The following RELN variants were observed in gnomAD, a reference collection of about 807,000 sequenced individuals.
RELN encodes the protein reelin.
RELN carries 108 observed loss-of-function variants against 427.6 expected under a neutral mutation model. The ratio of observed to expected loss-of-function variants is 0.25; its 90% CI spans 0.22 to 0.30. RELN has a LOEUF of 0.30. Among genes scored for constraint, RELN ranks in the 10% least tolerant of loss-of-function variants. The pLI, the probability that RELN is intolerant of heterozygous loss-of-function variation, is 1.00. For missense variants in RELN, 3,715 were observed against 4,302.8 expected (o/e 0.86, Z 3.82); for synonymous variants, 1,524 against 1,513.4 (o/e 1.01, Z -0.16).
At chr7:103,483,012 A>G (rs369031847) in intron 62 of RELN, 41 bp from the exon 63 acceptor site, 1 of 1,548,504 alleles carries the variant, frequency 6.5e-7, no homozygotes, top group African/African-American at 1.4e-5. Flanking sequence ...ATACATTAGG[A>G]AACAGAACTT....
intron 1 of RELN, among the ~76,000 whole-genome samples, chr7:103,965,242 T>A (rs936906978): frequency 6.6e-6 from 1 of 152,234 alleles, no homozygotes; most frequent in South Asian, 2.1e-4. Flanking sequence ...AAAACAGCTC[T>A]TGTAAATATA....
rs1396522207 is a variant in RELN, at chr7:103,988,930, T to C, written c.226+201A>G. Among the ~76,000 whole-genome samples the C allele has an allele frequency of 2.0e-5, 3 of 151,420 alleles. No individual in the cohort carries two copies. The highest frequency in any genetic ancestry group is 2.9e-5 in the Non-Finnish European group (2 of 67,870). On this transcript the variant is annotated intron_variant, in intron 1 of 64. Coordinates refer to ENST00000428762, the MANE Select transcript of RELN (RefSeq NM_005045.4). The surrounding 1 kb of genome is among the most constrained non-coding windows in gnomAD (Gnocchi z 4.9). Reference sequence around the variant, plus strand: ...ATTACCAGGAGATGCGTTCGGGGAGTGGGGACATGGAGAATGAATCCCAAC... The same window carrying C: ...ATTACCAGGAGATGCGTTCGGGGAGCGGGGACATGGAGAATGAATCCCAAC...
chr7:103,883,838 G>A (rs1584330316), intron 2 of RELN, among the ~76,000 whole-genome samples: 1 of 152,274 alleles, frequency 6.6e-6, no homozygotes, highest in East Asian at 1.9e-4. Flanking sequence ...AATCAATATC[G>A]TGAAAATGGC....
At chr7:103,604,934 A>T (rs1831781254) in intron 22 of RELN, among the ~76,000 whole-genome samples, 1 of 149,938 alleles carries the variant, frequency 6.7e-6, no homozygotes, top group South Asian at 2.1e-4. Flanking sequence ...GGTTCAAGCC[A>T]TTATCTTGCC....
intron 8 of RELN, among the ~76,000 whole-genome samples, chr7:103,714,773 G>A (rs1266658704): frequency 6.6e-6 from 1 of 152,130 alleles, no homozygotes; most frequent in Non-Finnish European, 1.5e-5. Context: ...GTGTCCTGGG[G>A]CTTCTCAGTC....
At chr7:103,650,034 T>G (rs1157014610) in intron 16 of RELN, among the ~76,000 whole-genome samples, 2 of 152,062 alleles carry the variant, frequency 1.3e-5, no homozygotes, top group East Asian at 3.9e-4. Context: ...ATGCATTTTT[T>G]ATTTATGTAT....
At chr7:103,911,043 A>AACTACCAT (rs1477860802) in intron 2 of RELN, among the ~76,000 whole-genome samples, 1 of 142,460 alleles carries the variant, frequency 7.0e-6, no homozygotes, top group African/African-American at 2.8e-5. Context: ...CAGCAAAAGA[A>AACTACCAT]ACTACCATCA....
At chr7:103,691,913 C>T (rs944393999) in intron 10 of RELN, among the ~76,000 whole-genome samples, 4 of 152,152 alleles carry the variant, frequency 2.6e-5, no homozygotes, top group South Asian at 2.1e-4. Context: ...TTTCTTATTT[C>T]GTCATGACAA....
At chr7:103,773,238 C>CATGT (rs1791635877) in intron 4 of RELN, among the ~76,000 whole-genome samples, 1 of 56,824 alleles carries the variant, frequency 1.8e-5, no homozygotes, top group Non-Finnish European at 3.0e-5. Flanking sequence ...TCGCTCCCTC[C>CATGT]CTGTCTCTCT....
At chr7:103,971,243 C>T (rs955929128) in intron 1 of RELN, among the ~76,000 whole-genome samples, 1 of 150,824 alleles carries the variant, frequency 6.6e-6, no homozygotes, top group African/African-American at 2.4e-5. Context: ...CATACTATTA[C>T]ACACTGTCAT....
rs148726838 is a variant in RELN at position 103,562,037 on chromosome 7, T to G, written c.5211-84A>C. The G allele has an allele frequency of 5.5e-4, 832 of 1,512,864 alleles. 6 individuals are homozygous for G. In the East Asian group the frequency reaches 0.019, roughly 35 times the overall value. 93.7% of individuals were successfully genotyped at this position (1,512,864 alleles called of 1,614,324 possible). A position where few individuals can be genotyped will look rare whatever the true frequency, so the allele number is the denominator to read the frequency against. ...ACAAGGACATTTATTTTAATTCCCT[T>G]TTCTCTTTAAAGTGCCTTCCTCCAG... On this transcript the variant is annotated intron_variant, in intron 34 of 64. Coordinates refer to ENST00000428762, the MANE Select transcript of RELN (RefSeq NM_005045.4).
Position 103,522,838 on chromosome 7 carries a change from G to GACACACACACAGAC in RELN, c.7490+552_7490+553insGTCTGTGTGTGTGT, listed in dbSNP as rs1554369891. 4.0e-5 allele frequency among the ~76,000 whole-genome samples: 6 copies of GACACACACACAGAC among 149,606 alleles called. No individual in the cohort carries two copies. The South Asian group carries it at 8.5e-4, about 21-fold the overall frequency. ...CAGCATAATCTCACACAGACACACA[G>GACACACACACAGAC]ACACACACACACACCCCCACACCTT... On this transcript the variant is annotated intron_variant, in intron 47 of 64. Coordinates refer to ENST00000428762, the MANE Select transcript of RELN (RefSeq NM_005045.4).
chr7:103,587,425 C>A (rs1831302414), intron 28 of RELN, among the ~76,000 whole-genome samples: 1 of 152,030 alleles, frequency 6.6e-6, no homozygotes, highest in Admixed American at 6.6e-5. Context: ...TACAAAAATT[C>A]TAGAAGAAAA....
intron 29 of RELN, among the ~76,000 whole-genome samples, chr7:103,575,036 C>T (rs1397125559): frequency 2.0e-5 from 3 of 152,136 alleles, no homozygotes; most frequent in African/African-American, 4.8e-5. Flanking sequence ...AGAGGGCTCA[C>T]AGAGGCCATG....
chr7:103,560,098 C>CAATATAAAAAAA (rs1584295423), intron 36 of RELN, among the ~76,000 whole-genome samples: 1 of 152,276 alleles, frequency 6.6e-6, no homozygotes, highest in East Asian at 1.9e-4. Context: ...GATATTTATA[C>CAATATAAAAAAA]AGCAGAACTG....
At chr7:103,958,106 A>G (rs7794418) in intron 1 of RELN, among the ~76,000 whole-genome samples, 20,028 of 152,192 alleles carry the variant, frequency 0.13, 1,359 homozygotes, top group Middle Eastern at 0.23. Context: ...CTGTGTTCAT[A>G]CAAGGATTAA....
chr7:103,659,654 T>C (rs1397892907), intron 12 of RELN, among the ~76,000 whole-genome samples: 1 of 152,138 alleles, frequency 6.6e-6, no homozygotes, highest in Non-Finnish European at 1.5e-5. Flanking sequence ...CTCTATACTC[T>C]CATAGCATTT....
chr7:103,958,378 T>G (rs1012299474), intron 1 of RELN, among the ~76,000 whole-genome samples: 8 of 152,188 alleles, frequency 5.3e-5, no homozygotes, highest in African/African-American at 1.9e-4. Context: ...AAGGTCTGAT[T>G]TGTGACAGAT....
At chr7:103,743,942 C>A (rs1339389943) in intron 6 of RELN, among the ~76,000 whole-genome samples, 1 of 152,150 alleles carries the variant, frequency 6.6e-6, no homozygotes, top group Non-Finnish European at 1.5e-5. Flanking sequence ...CTCTCCACCC[C>A]AAATCAACAG....
Sources: gnomAD v4.1 joint callset for allele counts (sites outside exome capture counted in the v4.1 genomes callset) on GRCh38, gnomAD v4.1.1 for gene constraint, Gnocchi (gnomAD v3.1) non-coding constraint, MANE v1.5 for transcripts, NCBI Gene and HGNC (gene_info 2026-07-23, HGNC 2026-07-21) for gene names.